Variants in OR2C1 observed in about 807,000 individuals in gnomAD.
OR2C1 encodes the protein olfactory receptor family 2 subfamily C member 1.
For missense variants in OR2C1, 468 were observed against 388.3 expected (o/e 1.21, Z -1.73); for synonymous variants, 209 against 167.3 (o/e 1.25, Z -1.92).
At chr16:3,326,780 C>T in the OR2C1 span, among the ~76,000 whole-genome samples, 16 of 152,278 alleles carry the variant, frequency 1.1e-4, no homozygotes, top group South Asian at 6.2e-4. Context: ...TGCTGGATGA[C>T]GCATGTAACC....
chr16:3,349,888 C>G, the OR2C1 span, among the ~76,000 whole-genome samples: 2 of 150,988 alleles, frequency 1.3e-5, no homozygotes, highest in African/African-American at 4.9e-5. Context: ...GGCAACAAAG[C>G]GAGATTCCGT....
upstream of OR2C1, among the ~76,000 whole-genome samples, chr16:3,354,733 C>T (rs1007014454): frequency 6.6e-6 from 1 of 152,154 alleles, no homozygotes; most frequent in South Asian, 2.1e-4. Flanking sequence ...CTGCTTCCCC[C>T]CTTCCCTGAG....
At position 3,356,451 on chromosome 16, in the gene OR2C1, C is replaced by T. The variant is rs140983596; in HGVS notation, c.511C>T (p.His171Tyr). 6.2e-7 allele frequency: 1 copy of T among 1,613,984 alleles called. No homozygotes were observed. Among genetic ancestry groups the T allele is most frequent in the African/African-American group, 1.3e-5 (1 of 75,062 alleles). Residue 171 changes from histidine to tyrosine, a missense_variant, in exon 1 of 1, where the codon CAC becomes TAC. His to Tyr is a moderately conservative substitution (Grantham distance 83). Coordinates refer to ENST00000304936, the MANE Select transcript of OR2C1 (RefSeq NM_012368.3). ...CACTCTGCAGCTCCCATTGTGTGGG[C>T]ACCGGAGGGTGGAGGGATTCCTCTG... Reference protein sequence around the residue: ...TFTLQLPLCGHRRVEGFLCEV... With the variant: ...TFTLQLPLCGYRRVEGFLCEV...
chr16:3,329,558 T>G, the OR2C1 span, among the ~76,000 whole-genome samples: 1 of 144,936 alleles, frequency 6.9e-6, no homozygotes, highest in African/African-American at 2.6e-5. Flanking sequence ...CATGCCATTC[T>G]CCTGCCTCAG....
chr16:3,356,196 T>A lies in OR2C1; in HGVS notation c.256T>A (p.Trp86Arg), dbSNP rs756057745. ...AGTCCCCCAAATGCTGATCAATTTA[T>A]GGGGACCAGGCAAGACCATCAGCTA... ...SSVPQMLINL[W>R]GPGKTISYGG... Residue 86 changes from tryptophan (W) to arginine (R), a missense_variant, in exon 1 of 1, where the codon TGG becomes AGG. Transcript: ENST00000304936. The A allele has an allele frequency of 1.9e-6, 3 of 1,614,198 alleles. No homozygotes were observed. Among genetic ancestry groups the A allele is most frequent in the African/African-American group, 2.7e-5 (2 of 75,048 alleles).
chr16:3,327,233 T>A, the OR2C1 span, among the ~76,000 whole-genome samples: 9 of 152,128 alleles, frequency 5.9e-5, no homozygotes, highest in Non-Finnish European at 1.3e-4. Context: ...ATTTATCCCC[T>A]CCAGTTTTTT....
chr16:3,349,663 GA>G, the OR2C1 span, among the ~76,000 whole-genome samples: 1 of 152,084 alleles, frequency 6.6e-6, no homozygotes, highest in African/African-American at 2.4e-5. Flanking sequence ...GAACAGGGGG[GA>G]AAAAAGATGG....
At chr16:3,346,079 C>T in the OR2C1 span, among the ~76,000 whole-genome samples, 2 of 152,122 alleles carry the variant, frequency 1.3e-5, no homozygotes, top group Non-Finnish European at 2.9e-5. Context: ...AGTAGTCCTC[C>T]TGCCTTGGCC....
the OR2C1 span, among the ~76,000 whole-genome samples, chr16:3,337,281 A>G: frequency 6.6e-6 from 1 of 152,038 alleles, no homozygotes; most frequent in Non-Finnish European, 1.5e-5. Flanking sequence ...CAGCCTCCCA[A>G]GTAGCTGGGA....
chr16:3,350,054 T>TG, the OR2C1 span, among the ~76,000 whole-genome samples: 1 of 82,904 alleles, frequency 1.2e-5, no homozygotes, highest in Non-Finnish European at 2.6e-5. Context: ...TAAAAGGGAA[T>TG]CTTTTTTTTT....
the OR2C1 span, among the ~76,000 whole-genome samples, chr16:3,350,055 CTTTTTTTT>C: frequency 1.9e-5 from 2 of 102,734 alleles, no homozygotes; most frequent in Admixed American, 2.6e-4. Context: ...AAAAGGGAAT[CTTTTTTTT>C]TTTTTTTTTT....
chr16:3,357,611 T>C (rs2030703345), downstream of OR2C1, among the ~76,000 whole-genome samples: 1 of 152,202 alleles, frequency 6.6e-6, no homozygotes, highest in Non-Finnish European at 1.5e-5. Context: ...TGGCCTCAAG[T>C]AATCTTCCTG....
At chr16:3,326,244 G>T in the OR2C1 span, among the ~76,000 whole-genome samples, 277 of 152,094 alleles carry the variant, frequency 1.8e-3, 2 homozygotes, top group Middle Eastern at 0.01. Context: ...GCATTCTTAT[G>T]ATGACAGCCT....
chr16:3,355,728 G>C (rs2030655083), upstream of OR2C1, among the ~76,000 whole-genome samples: 1 of 152,124 alleles, frequency 6.6e-6, no homozygotes. Flanking sequence ...GTTGCAGTGA[G>C]CTGAGATTGT....
chr16:3,326,375 A>G, the OR2C1 span, among the ~76,000 whole-genome samples: 3 of 152,062 alleles, frequency 2.0e-5, no homozygotes, highest in African/African-American at 7.2e-5. Flanking sequence ...TCCCATCCAC[A>G]CCAGACACTG....
At chr16:3,345,339 A>C in the OR2C1 span, among the ~76,000 whole-genome samples, 26 of 152,024 alleles carry the variant, frequency 1.7e-4, no homozygotes, top group Admixed American at 7.9e-4. Flanking sequence ...ACAAAAAATT[A>C]GCCGGGCGTG....
At chr16:3,328,575 C>T in the OR2C1 span, among the ~76,000 whole-genome samples, 1 of 152,142 alleles carries the variant, frequency 6.6e-6, no homozygotes, top group Non-Finnish European at 1.5e-5. Flanking sequence ...CCTGGGAGGA[C>T]AATGTAAGCT....
the OR2C1 span, among the ~76,000 whole-genome samples, chr16:3,345,815 C>G: frequency 7.9e-6 from 1 of 126,936 alleles, no homozygotes; most frequent in Non-Finnish European, 1.6e-5. Flanking sequence ...TTCTCTCCTT[C>G]CTTCCTTCCT....
the OR2C1 span, among the ~76,000 whole-genome samples, chr16:3,337,756 T>A: frequency 6.6e-6 from 1 of 152,182 alleles, no homozygotes; most frequent in African/African-American, 2.4e-5. Flanking sequence ...CCTGGTCCCA[T>A]CCTTTGTTCA....
Sources: allele counts gnomAD v4.1 joint callset (sites outside exome capture counted in the v4.1 genomes callset), GRCh38; gene constraint gnomAD v4.1.1; transcripts MANE v1.5; gene names NCBI Gene and HGNC (gene_info 2026-07-23, HGNC 2026-07-21).